Variants in CTNNA3 observed in about 807,000 individuals in gnomAD.
The protein encoded by CTNNA3 is catenin alpha 3.
A neutral mutation model predicts 95.7 loss-of-function variants in CTNNA3; 76 were observed. The observed-to-expected ratio is 0.79, with a 90% CI of 0.66 to 0.96. CTNNA3 has a LOEUF of 0.96. Ranked by LOEUF, CTNNA3 falls within the 40% of genes least tolerant of loss-of-function variation. CTNNA3 has a pLI of 0.00. For missense variants in CTNNA3, 1,191 were observed against 1,089.8 expected (o/e 1.09, Z -1.31); for synonymous variants, 431 against 374.4 (o/e 1.15, Z -1.74).
At chr10:67,022,011 G>A (rs1254183989) in intron 7 of CTNNA3, among the ~76,000 whole-genome samples, 6 of 152,126 alleles carry the variant, frequency 3.9e-5, no homozygotes. Context: ...TTGTTAAGTC[G>A]CAATAGACCT....
intron 7 of CTNNA3, among the ~76,000 whole-genome samples, chr10:67,032,115 A>G (rs1853763933): frequency 6.6e-6 from 1 of 152,150 alleles, no homozygotes; most frequent in Non-Finnish European, 1.5e-5. Flanking sequence ...TTTTCCCACA[A>G]GGTTTGTTTC....
intron 2 of CTNNA3, among the ~76,000 whole-genome samples, chr10:67,628,263 A>T (rs535863133): frequency 7.0e-6 from 1 of 142,972 alleles, no homozygotes; most frequent in Admixed American, 6.8e-5. Context: ...AAAAAAAAAA[A>T]GGGGAGAAAC....
intron 15 of CTNNA3, among the ~76,000 whole-genome samples, chr10:66,052,435 G>A (rs1400542684): frequency 9.3e-6 from 1 of 107,324 alleles, no homozygotes; most frequent in Non-Finnish European, 2.2e-5. Context: ...TGTACTCAAG[G>A]TAAAGCATTC....
At chr10:67,145,160 G>A (rs146340030) in intron 7 of CTNNA3, among the ~76,000 whole-genome samples, 20 of 152,222 alleles carry the variant, frequency 1.3e-4, no homozygotes, top group African/African-American at 3.9e-4. Context: ...ATGTTCCATG[G>A]TGCGCCAAAA....
At chr10:66,720,682 A>G (rs2132634840) in intron 9 of CTNNA3, among the ~76,000 whole-genome samples, 1 of 152,164 alleles carries the variant, frequency 6.6e-6, no homozygotes, top group South Asian at 2.1e-4. Context: ...AAAATACAAA[A>G]AAATAGCTGG....
chr10:67,437,792 GA>G (rs142188958), intron 5 of CTNNA3, among the ~76,000 whole-genome samples: 2,652 of 152,014 alleles, frequency 0.017, 81 homozygotes, highest in African/African-American at 0.061. Flanking sequence ...CTAACTTTCT[GA>G]CTGGGTATAA....
chr10:67,424,762 C>G (rs1845858205), intron 5 of CTNNA3, among the ~76,000 whole-genome samples: 1 of 152,034 alleles, frequency 6.6e-6, no homozygotes. Context: ...TGCTCATCGA[C>G]TAAATTGTAA....
chr10:65,954,042 C>A (rs981638269), intron 17 of CTNNA3, among the ~76,000 whole-genome samples: 27 of 152,338 alleles, frequency 1.8e-4, no homozygotes, highest in African/African-American at 6.3e-4. Context: ...TCCTCTCCAG[C>A]ACCTGTTGTT....
At chr10:67,280,060 A>G (rs1319563594) in intron 5 of CTNNA3, among the ~76,000 whole-genome samples, 1 of 150,506 alleles carries the variant, frequency 6.6e-6, no homozygotes, top group East Asian at 1.9e-4. Context: ...ACCCCAAAGT[A>G]TGGTGCTTTG....
intron 7 of CTNNA3, among the ~76,000 whole-genome samples, chr10:67,169,062 T>A (rs1291951017): frequency 6.6e-6 from 1 of 152,162 alleles, no homozygotes; most frequent in East Asian, 1.9e-4. Flanking sequence ...CTAAAATGCT[T>A]ATGAACACAG....
intron 5 of CTNNA3, among the ~76,000 whole-genome samples, chr10:67,377,217 T>C (rs1438410096): frequency 1.3e-5 from 2 of 152,190 alleles, no homozygotes; most frequent in Non-Finnish European, 2.9e-5. Flanking sequence ...CTAAAAAGAT[T>C]TAACCTCTGA....
intron 1 of CTNNA3, among the ~76,000 whole-genome samples, chr10:67,738,956 C>T (rs1841318864): frequency 1.3e-5 from 2 of 152,182 alleles, no homozygotes; most frequent in African/African-American, 4.8e-5. Context: ...AAGACCAAAT[C>T]TATATCTGAT....
At chr10:67,543,914 A>C (rs765307187) in intron 3 of CTNNA3, among the ~76,000 whole-genome samples, 2 of 152,170 alleles carry the variant, frequency 1.3e-5, no homozygotes, top group African/African-American at 4.8e-5. Context: ...GGATGACCTC[A>C]ATTCGATCCT....
Position 67,221,570 on chromosome 10 carries a change from AT to A in CTNNA3, c.580-1701del, listed in dbSNP as rs143893645. ...TGACATTATTTCCTACATAGGAAAA[AT>A]TTTTTTCTTTTTTCTTTTTTTATGA... On this transcript the variant is annotated intron_variant, in intron 5 of 17. Coordinates refer to ENST00000433211, the MANE Select transcript of CTNNA3 (RefSeq NM_013266.4). Among the ~76,000 whole-genome samples, 11 of 152,026 alleles carry A rather than the reference AT, an allele frequency of 7.2e-5. No individual in the cohort carries two copies. The South Asian group carries it at 2.1e-3, about 29-fold the overall frequency.
chr10:67,353,513 T>A (rs986475895), intron 5 of CTNNA3, among the ~76,000 whole-genome samples: 1 of 150,110 alleles, frequency 6.7e-6, no homozygotes, highest in East Asian at 1.9e-4. Flanking sequence ...AGTAATTCAA[T>A]AGTTAAATTT....
intron 10 of CTNNA3, among the ~76,000 whole-genome samples, chr10:66,597,552 A>ATATATATATT (rs1246174021): frequency 1.9e-4 from 25 of 130,500 alleles, no homozygotes; most frequent in African/African-American, 5.7e-4. Flanking sequence ...ATATATATAT[A>ATATATATATT]TATTTATTAA....
chr10:66,216,812 T>A (rs1264786325), intron 13 of CTNNA3, among the ~76,000 whole-genome samples: 1 of 152,190 alleles, frequency 6.6e-6, no homozygotes, highest in Admixed American at 6.5e-5. Context: ...ATAACTACAT[T>A]ACAATATAAA....
In CTNNA3 at chr10:66,493,599, ATTTTT is replaced by A. The variant is rs528761424; in HGVS notation, c.1531+27013_1531+27017del. On this transcript the variant is annotated intron_variant, in intron 11 of 17. Coordinates refer to ENST00000433211, the MANE Select transcript of CTNNA3 (RefSeq NM_013266.4). Reference sequence around the variant, plus strand: ...GGGTTGGCTAACATTTAACTACAGTATTTTTTTTTTTTTTTTTTTTGAGACCGAGT... The same window carrying A: ...GGGTTGGCTAACATTTAACTACAGTATTTTTTTTTTTTTTTGAGACCGAGT... Among the ~76,000 whole-genome samples, 8 of 112,020 alleles carry A rather than the reference ATTTTT, an allele frequency of 7.1e-5. No individual in the cohort carries two copies. In the East Asian group the frequency reaches 3.0e-3, roughly 42 times the overall value. 73.5% of individuals were successfully genotyped at this position (112,020 alleles called of 152,430 possible). A position where few individuals can be genotyped will look rare whatever the true frequency, so the allele number is the denominator to read the frequency against.
chr10:66,214,919 C>T (rs758581272), intron 13 of CTNNA3, among the ~76,000 whole-genome samples: 2 of 151,826 alleles, frequency 1.3e-5, no homozygotes, highest in African/African-American at 2.4e-5. Context: ...CCTATGGACT[C>T]ATGACTCATG....
Sources: allele counts gnomAD v4.1 joint callset (sites outside exome capture counted in the v4.1 genomes callset), GRCh38; gene constraint gnomAD v4.1.1; transcripts MANE v1.5; gene names NCBI Gene and HGNC (gene_info 2026-07-23, HGNC 2026-07-21).